CLIP4: variants seen among roughly 807,000 people sequenced by gnomAD.
The protein encoded by CLIP4 is CAP-Gly domain containing linker protein family member 4, also known as CAP-Gly domain-containing linker protein 4.
In CLIP4, 47 loss-of-function variants were observed where a neutral mutation model predicts 73.1. That is an observed-to-expected ratio of 0.64 (90% CI 0.51 to 0.82). CLIP4 has a LOEUF of 0.82. Ranked by LOEUF, CLIP4 falls within the 40% of genes least tolerant of loss-of-function variation. The probability of loss-of-function intolerance (pLI) is 0.00; values close to 1 mark genes in which losing one functional copy is unlikely to be tolerated. For missense variants in CLIP4, 874 were observed against 852.9 expected, an observed-to-expected ratio of 1.02 and a Z score of -0.31; for synonymous variants, 306 against 295.4, an observed-to-expected ratio of 1.04 and a Z score of -0.37.
intron 14 of CLIP4, among the ~76,000 whole-genome samples, chr2:29,172,321 A>G (rs1029369701): frequency 6.6e-6 from 1 of 152,136 alleles, no homozygotes; most frequent in Non-Finnish European, 1.5e-5. Flanking sequence ...AATTTCATGT[A>G]TATAAAATTT....
At chr2:29,100,766 A>C (rs1308837671) in intron 1 of CLIP4, among the ~76,000 whole-genome samples, 1 of 151,768 alleles carries the variant, frequency 6.6e-6, no homozygotes, top group East Asian at 1.9e-4. Flanking sequence ...CAGAGGCAGG[A>C]ATGTTAGAGG....
chr2:29,101,874 T>C lies in CLIP4; in HGVS notation c.-16+3927T>C, dbSNP rs149777455. ...GCTTCTTTGAATCAAAATTAAAGGC[T>C]CATGCCAAGGAGAAGCACTGCTTCT... is the stretch of plus-strand genomic sequence containing the variant. On this transcript the variant is annotated intron_variant, in intron 1 of 14. Coordinates refer to the CLIP4 transcript ENST00000401605. Among the ~76,000 whole-genome samples, 8 of 152,322 alleles carry C rather than the reference T, an allele frequency of 5.3e-5. No individual in the cohort carries two copies. In the East Asian group the frequency reaches 1.5e-3, roughly 29 times the overall value.
intron 2 of CLIP4, among the ~76,000 whole-genome samples, 186 bp from the exon 3 acceptor site, chr2:29,131,072 G>A (rs1206041874): frequency 1.3e-5 from 2 of 152,012 alleles, no homozygotes; most frequent in African/African-American, 2.4e-5. Flanking sequence ...TGTTGGTGAG[G>A]ATTTTTAAAG....
chr2:29,166,780 G>GTATTGTGATGTGA (rs1269709404), intron 13 of CLIP4, among the ~76,000 whole-genome samples: 5 of 152,104 alleles, frequency 3.3e-5, no homozygotes, highest in African/African-American at 1.2e-4. Flanking sequence ...TGATGCCTAT[G>GTATTGTGATGTGA]AATTGTAATG....
intron 11 of CLIP4, among the ~76,000 whole-genome samples, chr2:29,158,402 T>G (rs1667074781): frequency 6.6e-6 from 1 of 152,114 alleles, no homozygotes; most frequent in Non-Finnish European, 1.5e-5. Flanking sequence ...AACAAAGTAG[T>G]CTAGCGTGCC....
Position 29,174,528 on chromosome 2 carries a change from A to G in CLIP4, c.1796+83A>G, listed in dbSNP as rs771835564. ...TGAAGAAAGAAAAGTGGAGTGCTGT[A>G]TCTTTTGCATTGCTTGGTAGAGTTT... On this transcript the variant is annotated intron_variant, in intron 15 of 15. Coordinates refer to ENST00000320081, the MANE Select transcript of CLIP4 (RefSeq NM_024692.6). 168 of 1,539,718 alleles carry G rather than the reference A, an allele frequency of 1.1e-4. 1 individual carries two copies. The highest frequency in any genetic ancestry group is 1.3e-4 in the Non-Finnish European group (155 of 1,149,808).
chr2:29,113,143 A>G (rs922048503), upstream of CLIP4, among the ~76,000 whole-genome samples: 1 of 152,198 alleles, frequency 6.6e-6, no homozygotes, highest in African/African-American at 2.4e-5. The surrounding 1 kb of genome is among the most constrained non-coding windows in gnomAD (Gnocchi z 4.0). Context: ...AGCCTCCCAG[A>G]GTCTGCTTCT....
intron 2 of CLIP4, among the ~76,000 whole-genome samples, chr2:29,123,335 G>A (rs1429927290): frequency 1.3e-5 from 2 of 152,144 alleles, no homozygotes; most frequent in East Asian, 3.8e-4. Flanking sequence ...TTTATTGAGG[G>A]CCTCTTGTGT....
intron 6 of CLIP4, among the ~76,000 whole-genome samples, chr2:29,136,928 G>T (rs1414514580): frequency 6.6e-6 from 1 of 151,444 alleles, no homozygotes; most frequent in Non-Finnish European, 1.5e-5. Context: ...AGATTAATAG[G>T]TTGCCATATT....
chr2:29,160,019 C>A (rs1187153905), intron 11 of CLIP4, among the ~76,000 whole-genome samples: 1 of 152,210 alleles, frequency 6.6e-6, no homozygotes, highest in Non-Finnish European at 1.5e-5. Flanking sequence ...GACCCCTGTT[C>A]TAGTAGAGAT....
In CLIP4 at chr2:29,134,704, T is replaced by C. The variant is rs184315231; in HGVS notation, c.530-844T>C. On this transcript the variant is annotated intron_variant, in intron 5 of 15. Coordinates refer to ENST00000320081, the MANE Select transcript of CLIP4 (RefSeq NM_024692.6). Reference sequence around the variant, plus strand: ...GGTAGGATTTGCAGAACCAGAGGTATATTTAAACCCTTGTTATCGAAAATA... The same window carrying C: ...GGTAGGATTTGCAGAACCAGAGGTACATTTAAACCCTTGTTATCGAAAATA... 2.5e-4 allele frequency among the ~76,000 whole-genome samples: 38 copies of C among 152,252 alleles called. No homozygotes were observed. The East Asian group carries it at 6.0e-3, about 24-fold the overall frequency.
chr2:29,150,047 A>G (rs1666446646), intron 8 of CLIP4, among the ~76,000 whole-genome samples: 1 of 152,152 alleles, frequency 6.6e-6, no homozygotes, highest in African/African-American at 2.4e-5. Flanking sequence ...TGCCTGTGTG[A>G]TCACCATAAT....
rs1171761467 is a variant in CLIP4, at chr2:29,181,841, G to C, written c.2066G>C (p.Arg689Thr). ...CATGGAGTCTTAGTTCGACCGAGCA[G>C]AGTGACCTATCGGGGAATTAATGGG... ...PNHGVLVRPS[R>T]VTYRGINGSK... is the part of the protein sequence containing the mutation. The change falls in exon 16 of 16, where the codon AGA (arginine) becomes ACA (threonine). Residue 689 changes from arginine (R) to threonine (T), a missense_variant. Coordinates refer to ENST00000320081, the MANE Select transcript of CLIP4 (RefSeq NM_024692.6). 6.2e-7 allele frequency: 1 copy of C among 1,614,110 alleles called. No individual in the cohort carries two copies. Among genetic ancestry groups the C allele is most frequent in the Non-Finnish European group, 8.5e-7 (1 of 1,179,950 alleles).
upstream of CLIP4, among the ~76,000 whole-genome samples, chr2:29,112,009 C>T (rs1427234462): frequency 1.3e-5 from 2 of 152,076 alleles, no homozygotes; most frequent in African/African-American, 2.4e-5. Flanking sequence ...TCCCGAATGC[C>T]GTCTTCTAAA....
At chr2:29,167,446 C>T in intron 13 of CLIP4, 30 bp from the exon 14 acceptor site, 1 of 1,540,452 alleles carries the variant, frequency 6.5e-7, no homozygotes, top group Non-Finnish European at 8.8e-7. Flanking sequence ...CCAGCTACTT[C>T]TAACGAGATG....
intron 1 of CLIP4, among the ~76,000 whole-genome samples, chr2:29,120,153 G>A (rs1664157860): frequency 6.6e-6 from 1 of 152,090 alleles, no homozygotes; most frequent in African/African-American, 2.4e-5. Flanking sequence ...AGTATTTGGT[G>A]GTAAGTAATT....
Position 29,167,475 on chromosome 2 carries a change from G to C in CLIP4, c.1659-1G>C. ...CGAGATGTCCTTTGTTTTATTCATA[G>C]AGTAACAGATTCCCTGGATACCCTT... On this transcript the variant is annotated splice_acceptor_variant, in intron 13 of 15. Transcript: ENST00000320081. LOFTEE classifies it high-confidence loss of function. The C allele has an allele frequency of 2.5e-6, 4 of 1,602,618 alleles. No homozygotes were observed. Among genetic ancestry groups the C allele is most frequent in the Non-Finnish European group, 3.4e-6 (4 of 1,174,328 alleles).
intron 1 of CLIP4, among the ~76,000 whole-genome samples, chr2:29,108,963 C>A (rs1668308598): frequency 6.6e-6 from 1 of 152,204 alleles, no homozygotes; most frequent in African/African-American, 2.4e-5. Context: ...TGGTCTATAA[C>A]CATTCCCCTC....
At position 29,131,390 on chromosome 2, in the gene CLIP4, G is replaced by T. The variant is rs759660473; in HGVS notation, c.266G>T (p.Gly89Val). Residue 89 changes from glycine to valine, a missense_variant, in exon 3 of 16, where the codon GGA (glycine) becomes GTA (valine). By Grantham distance (109) the Gly-to-Val change is moderately radical. Transcript: ENST00000320081. ...GTCCAACAAAACATTGACATTATTG[G>T]AAATGAGGTAAGGAATTCTTACATT... ...PQVQQNIDII[G>V]NEILKRGCNV... The T allele has an allele frequency of 6.3e-7, 1 of 1,594,074 alleles. No individual in the cohort carries two copies. The highest frequency in any genetic ancestry group is 8.5e-7 in the Non-Finnish European group (1 of 1,173,714).
Sources: gnomAD v4.1 joint callset for allele counts (sites outside exome capture counted in the v4.1 genomes callset) on GRCh38, gnomAD v4.1.1 for gene constraint, Gnocchi (gnomAD v3.1) non-coding constraint, MANE v1.5 for transcripts, NCBI Gene and HGNC (gene_info 2026-07-23, HGNC 2026-07-21) for gene names.